The following TBC1D32 variants were observed in gnomAD, a reference collection of about 807,000 sequenced individuals.
TBC1D32 encodes TBC1 domain family member 32, also known as protein broad-minded.
TBC1D32 carries 151 observed loss-of-function variants against 170.3 expected under a neutral mutation model. The observed-to-expected ratio is 0.89, with a 90% CI of 0.78 to 1.01. The LOEUF is 1.01. TBC1D32 is among the 50% of genes least tolerant of loss of function. TBC1D32 has a pLI of 0.00. For synonymous variants in TBC1D32, 498 were observed against 488.0 expected (o/e 1.02, Z -0.27); for missense variants, 1,464 against 1,457.1 (o/e 1.00, Z -0.08).
At chr6:121,250,317 CATGGATGTGAAAATCCTCA>C (rs1344025534) in intron 17 of TBC1D32, among the ~76,000 whole-genome samples, 1 of 152,094 alleles carries the variant, frequency 6.6e-6, no homozygotes, top group Non-Finnish European at 1.5e-5. Context: ...CCCTGATGAA[CATGGATGTGAAAATCCTCA>C]ATAAAATACT....
intron 5 of TBC1D32, among the ~76,000 whole-genome samples, chr6:121,306,459 A>G (rs192430572): frequency 2.4e-4 from 36 of 152,310 alleles, no homozygotes; most frequent in African/African-American, 8.2e-4. Context: ...TGTCTAAACG[A>G]GAATGATACA....
chr6:121,112,731 A>G, intron 28 of TBC1D32, 72 bp from the exon 29 acceptor site: 1 of 1,239,412 alleles, frequency 8.1e-7, no homozygotes. Flanking sequence ...AAATAAAATA[A>G]AATGAATATA....
At chr6:121,160,893 T>G in intron 23 of TBC1D32, 55 bp downstream of exon 23, 1 of 1,425,536 alleles carries the variant, frequency 7.0e-7, no homozygotes, top group Non-Finnish European at 9.9e-7. Flanking sequence ...GTTGGCTATC[T>G]TGCTTCAAAA....
intron 31 of TBC1D32, among the ~76,000 whole-genome samples, chr6:121,083,039 A>G (rs1324572131): frequency 1.3e-5 from 2 of 151,990 alleles, no homozygotes; most frequent in African/African-American, 4.8e-5. Context: ...ATCTTATCCT[A>G]AATGTTCTCT....
At chr6:121,279,931 C>T (rs11154012) in intron 14 of TBC1D32, among the ~76,000 whole-genome samples, 61,584 of 151,668 alleles carry the variant, frequency 0.41, 15,770 homozygotes, top group Non-Finnish European at 0.58. Context: ...GCTTATTTAC[C>T]TGTACCTGCA....
At chr6:121,310,351 A>G (rs1011548840) in intron 4 of TBC1D32, among the ~76,000 whole-genome samples, 2 of 152,218 alleles carry the variant, frequency 1.3e-5, no homozygotes, top group Non-Finnish European at 2.9e-5. Context: ...CATGTTGTAC[A>G]AGACGAATAT....
At chr6:121,147,881 C>T (rs1014451990) in intron 24 of TBC1D32, among the ~76,000 whole-genome samples, 9 of 150,838 alleles carry the variant, frequency 6.0e-5, no homozygotes, top group Non-Finnish European at 8.8e-5. Context: ...CGTGAGCCAC[C>T]GCGCCCAGTC....
intron 24 of TBC1D32, among the ~76,000 whole-genome samples, chr6:121,143,241 CAA>C (rs1341185702): frequency 6.6e-6 from 1 of 151,936 alleles, no homozygotes; most frequent in Non-Finnish European, 1.5e-5. Context: ...TACATGTATT[CAA>C]GTGTACATAT....
At position 121,269,465 on chromosome 6, in the gene TBC1D32, G is replaced by C. The variant is rs545742575; in HGVS notation, c.1733+9656C>G. Among the ~76,000 whole-genome samples the C allele has an allele frequency of 3.9e-5, 6 of 151,970 alleles. No individual in the cohort carries two copies. The East Asian group carries it at 9.7e-4, about 24-fold the overall frequency. ...AAAAAAAGCAGGGGTTGCAATCCTAGTCTCTGATAAAACAGACTTTAAACC... is the reference window on the plus strand; with the variant it reads ...AAAAAAAGCAGGGGTTGCAATCCTACTCTCTGATAAAACAGACTTTAAACC... On this transcript the variant is annotated intron_variant, in intron 15 of 31. Coordinates refer to ENST00000398212, the MANE Select transcript of TBC1D32 (RefSeq NM_152730.6).
intron 3 of TBC1D32, 24 bp downstream of exon 3, chr6:121,317,471 T>G (rs763548238): frequency 8.0e-6 from 12 of 1,492,156 alleles, no homozygotes; most frequent in Non-Finnish European, 1.1e-5. Flanking sequence ...TTTCAAGACA[T>G]AAATGCAAAA....
chr6:121,114,002 C>A (rs1328082657), intron 27 of TBC1D32, among the ~76,000 whole-genome samples: 1 of 152,042 alleles, frequency 6.6e-6, no homozygotes, highest in Admixed American at 6.6e-5. Flanking sequence ...GGTGAAAACC[C>A]ATCTCTGCTA....
chr6:121,268,495 T>C (rs1023605689), intron 15 of TBC1D32, among the ~76,000 whole-genome samples: 3 of 152,074 alleles, frequency 2.0e-5, no homozygotes, highest in Admixed American at 6.5e-5. Flanking sequence ...TTCGATCAAC[T>C]GGAAGAAAGG....
chr6:121,108,526 C>A (rs1778911720), intron 29 of TBC1D32, among the ~76,000 whole-genome samples: 1 of 151,642 alleles, frequency 6.6e-6, no homozygotes, highest in Non-Finnish European at 1.5e-5. Flanking sequence ...AGACAAAGTG[C>A]AAAAAAATTG....
At chr6:121,223,742 T>C (rs947421165) in intron 20 of TBC1D32, among the ~76,000 whole-genome samples, 13 of 152,166 alleles carry the variant, frequency 8.5e-5, no homozygotes, top group African/African-American at 3.1e-4. Context: ...TAATAAATTC[T>C]ATATATTTTT....
At chr6:121,126,221 A>G (rs74663837) in intron 26 of TBC1D32, among the ~76,000 whole-genome samples, 157 bp downstream of exon 26, 2,661 of 152,292 alleles carry the variant, frequency 0.017, 79 homozygotes, top group African/African-American at 0.061. Flanking sequence ...GACATTTACA[A>G]AGAAAAGAGG....
intron 22 of TBC1D32, among the ~76,000 whole-genome samples, chr6:121,188,796 G>T (rs879316779): frequency 3.9e-5 from 6 of 152,024 alleles, no homozygotes; most frequent in Non-Finnish European, 5.9e-5. Context: ...AAAAAATAGT[G>T]GTTAGTAGAC....
chr6:121,302,343 A>G (rs1806621313), intron 9 of TBC1D32, among the ~76,000 whole-genome samples: 1 of 152,194 alleles, frequency 6.6e-6, no homozygotes, highest in Admixed American at 6.5e-5. Context: ...CTCTTTACAT[A>G]AAAAGTGTGA....
chr6:121,154,762 G>A (rs1012971440), intron 24 of TBC1D32, among the ~76,000 whole-genome samples: 4 of 152,150 alleles, frequency 2.6e-5, no homozygotes, highest in Non-Finnish European at 5.9e-5. Context: ...ACAACCTGCA[G>A]AATAGGAGAA....
chr6:121,100,541 G>A (rs2128185684), intron 30 of TBC1D32, among the ~76,000 whole-genome samples: 1 of 152,074 alleles, frequency 6.6e-6, no homozygotes, highest in South Asian at 2.1e-4. Context: ...AAACCAATGA[G>A]AACAAAGACA....
Sources: gnomAD v4.1 joint callset for allele counts (sites outside exome capture counted in the v4.1 genomes callset) on GRCh38, gnomAD v4.1.1 for gene constraint, MANE v1.5 for transcripts, NCBI Gene and HGNC (gene_info 2026-07-23, HGNC 2026-07-21) for gene names.